Variants in CA12 observed in about 807,000 individuals in gnomAD.
The protein encoded by CA12 is carbonate dehydratase XII.
A neutral mutation model predicts 46.8 loss-of-function variants in CA12; 36 were observed. The ratio of observed to expected loss-of-function variants is 0.77; its 90% CI spans 0.59 to 1.02. CA12 has a LOEUF of 1.02. CA12 is among the 50% of genes least tolerant of loss of function. CA12 has a pLI of 0.00. For synonymous variants in CA12, 202 were observed against 187.0 expected, an observed-to-expected ratio of 1.08 and a Z score of -0.65; for missense variants, 436 against 451.4, an observed-to-expected ratio of 0.97 and a Z score of 0.31.
chr15:63,356,715 G>T (rs534531936), intron 2 of CA12, among the ~76,000 whole-genome samples: 1 of 152,106 alleles, frequency 6.6e-6, no homozygotes, highest in South Asian at 2.1e-4. Flanking sequence ...TAGAAATGGG[G>T]TTTCACCAGT....
At chr15:63,368,882 T>G (rs2039467796) in intron 2 of CA12, among the ~76,000 whole-genome samples, 1 of 152,234 alleles carries the variant, frequency 6.6e-6, no homozygotes, top group Admixed American at 6.5e-5. Flanking sequence ...AGTTTCTTCC[T>G]AGGCTCAGGC....
chr15:63,364,362 G>C (rs1224236049), intron 2 of CA12, among the ~76,000 whole-genome samples: 14 of 78,400 alleles, frequency 1.8e-4, no homozygotes, highest in Non-Finnish European at 2.4e-4. Context: ...AAAACAGTGG[G>C]ACTCTTAGGA....
At chr15:63,336,831 G>A (rs1033253229) in intron 8 of CA12, among the ~76,000 whole-genome samples, 4 of 152,056 alleles carry the variant, frequency 2.6e-5, no homozygotes, top group South Asian at 2.1e-4. Context: ...CCCTTCCCTG[G>A]GTGTGCATAG....
intron 2 of CA12, among the ~76,000 whole-genome samples, chr15:63,370,452 A>G (rs1225433773): frequency 6.7e-6 from 1 of 150,070 alleles, no homozygotes; most frequent in Non-Finnish European, 1.5e-5. Flanking sequence ...CAAAAAAAAA[A>G]AAAAAAGAAA....
Position 63,345,849 on chromosome 15 carries a change from C to T in CA12, c.287-230G>A, listed in dbSNP as rs2039140430. The stretch of plus-strand genomic sequence containing the variant: ...CAAAGCAACTCCAGTGGCACCAGCA[C>T]CTTCTTGGTTCACCTTGGAAAGTGA... On this transcript the variant is annotated intron_variant, in intron 3 of 10. Transcript: ENST00000178638. This position sits in a 1 kb window ranked among gnomAD's most constrained non-coding sequence, Gnocchi z 4.3. 6.6e-6 allele frequency among the ~76,000 whole-genome samples: 1 copy of T among 152,212 alleles called. No individual in the cohort carries two copies. The highest frequency in any genetic ancestry group is 2.4e-5 in the African/African-American group (1 of 41,446).
At chr15:63,380,692 C>T (rs2039633175) in intron 1 of CA12, among the ~76,000 whole-genome samples, 1 of 152,172 alleles carries the variant, frequency 6.6e-6, no homozygotes, top group Non-Finnish European at 1.5e-5. Context: ...CCTGCCCTTC[C>T]CCATGGGCAC....
chr15:63,379,281 T>C (rs2039614878), intron 1 of CA12, among the ~76,000 whole-genome samples: 1 of 151,940 alleles, frequency 6.6e-6, no homozygotes, highest in South Asian at 2.1e-4. Flanking sequence ...GCGTTGTAAG[T>C]GAGGATGGTG....
At chr15:63,377,492 A>C (rs1277836048) in intron 1 of CA12, among the ~76,000 whole-genome samples, 2 of 152,126 alleles carry the variant, frequency 1.3e-5, no homozygotes, top group Non-Finnish European at 2.9e-5. Context: ...TTTTTAAAAA[A>C]AAGCCGGTTT....
chr15:63,365,211 T>A (rs1201208636), intron 2 of CA12, among the ~76,000 whole-genome samples: 1 of 152,260 alleles, frequency 6.6e-6, no homozygotes, highest in African/African-American at 2.4e-5. Flanking sequence ...GTGTTTTCTT[T>A]AACTGCTAAG....
At chr15:63,336,025 C>G (rs2038999359) in intron 8 of CA12, among the ~76,000 whole-genome samples, 1 of 152,210 alleles carries the variant, frequency 6.6e-6, no homozygotes, top group African/African-American at 2.4e-5. Flanking sequence ...TATAATCAGC[C>G]TCCAGATGGA....
At chr15:63,361,562 C>G (rs765072854) in intron 2 of CA12, among the ~76,000 whole-genome samples, 2 of 152,122 alleles carry the variant, frequency 1.3e-5, no homozygotes, top group Admixed American at 1.3e-4. Flanking sequence ...AGTTATCCTG[C>G]CCAAAATATC....
rs2039140820 is a variant in CA12 at position 63,345,885 on chromosome 15, G to A, written c.287-266C>T. On this transcript the variant is annotated intron_variant, in intron 3 of 10. Coordinates refer to ENST00000178638, the MANE Select transcript of CA12 (RefSeq NM_001218.5). This position sits in a 1 kb window ranked among gnomAD's most constrained non-coding sequence, Gnocchi z 4.3. ...CACCTTGGAAAGTGATGCCAGAAACGCTAACACTAGACCAACGGATGGGTG... is the reference window on the plus strand; with the variant it reads ...CACCTTGGAAAGTGATGCCAGAAACACTAACACTAGACCAACGGATGGGTG... Among the ~76,000 whole-genome samples the A allele has an allele frequency of 6.6e-6, 1 of 152,348 alleles. No individual in the cohort carries two copies. Among genetic ancestry groups the A allele is most frequent in the South Asian group, 2.1e-4 (1 of 4,828 alleles).
At chr15:63,361,708 T>C (rs2039366125) in intron 2 of CA12, among the ~76,000 whole-genome samples, 1 of 152,010 alleles carries the variant, frequency 6.6e-6, no homozygotes, top group Non-Finnish European at 1.5e-5. Flanking sequence ...TGTCAGTCGT[T>C]CTCTGGGGCA....
At chr15:63,357,797 C>T (rs1323350236) in intron 2 of CA12, among the ~76,000 whole-genome samples, 1 of 152,092 alleles carries the variant, frequency 6.6e-6, no homozygotes, top group Non-Finnish European at 1.5e-5. Context: ...CCAAAGGAAA[C>T]CTCATACCTG....
At chr15:63,366,651 C>T (rs1270838446) in intron 2 of CA12, among the ~76,000 whole-genome samples, 1 of 152,158 alleles carries the variant, frequency 6.6e-6, no homozygotes, top group Non-Finnish European at 1.5e-5. Flanking sequence ...AAGTTGAAAA[C>T]TTTGGTTGGT....
rs888187519 is a variant in CA12 at position 63,341,757 on chromosome 15, A to C, written c.525+245T>G. The stretch of plus-strand genomic sequence containing the variant: ...TCCATGCCTTATGCAACAGGGCTAG[A>C]TGTTGGGGCCCGTTTTTCCAACGGA... On this transcript the variant is annotated intron_variant, in intron 5 of 10. Transcript: ENST00000178638. This position sits in a 1 kb window ranked among gnomAD's most constrained non-coding sequence, Gnocchi z 5.2. Among the ~76,000 whole-genome samples, 4 of 152,162 alleles carry C rather than the reference A, an allele frequency of 2.6e-5. No homozygotes were observed. The highest frequency in any genetic ancestry group is 9.6e-5 in the African/African-American group (4 of 41,454).
chr15:63,331,615 T>C lies in CA12; in HGVS notation c.875-3485A>G, dbSNP rs915213693. The C allele has an allele frequency of 2.0e-5, 3 of 152,148 alleles. No individual in the cohort carries two copies. The highest frequency in any genetic ancestry group is 7.2e-5 in the African/African-American group (3 of 41,418). The allele number at this position is 152,148 out of a possible 1,614,324, so 9.4% of individuals were successfully genotyped here. A position where few individuals can be genotyped will look rare whatever the true frequency, so the allele number is the denominator to read the frequency against. ...CGCCTGTTCACAAAGTGCTCGGGTA[T>C]GACTCAGGGCGAGCAGAGAGACGGC... On this transcript the variant is annotated intron_variant, in intron 8 of 10. Transcript: ENST00000178638. The surrounding 1 kb of genome is among the most constrained non-coding windows in gnomAD (Gnocchi z 5.3).
At chr15:63,337,001 C>T (rs1185821113) in intron 8 of CA12, among the ~76,000 whole-genome samples, 1 of 152,170 alleles carries the variant, frequency 6.6e-6, no homozygotes, top group Non-Finnish European at 1.5e-5. Flanking sequence ...CTACATTCTC[C>T]ACTTAGAAGA....
At chr15:63,358,991 G>A (rs2055336) in intron 2 of CA12, among the ~76,000 whole-genome samples, 134,316 of 151,878 alleles carry the variant, frequency 0.88, 60,096 homozygotes, top group Non-Finnish European at 0.95. Context: ...TTGTCCTCCC[G>A]TTTCCCTGCC....
Sources: gnomAD v4.1 joint callset for allele counts (sites outside exome capture counted in the v4.1 genomes callset) on GRCh38, gnomAD v4.1.1 for gene constraint, Gnocchi (gnomAD v3.1) non-coding constraint, MANE v1.5 for transcripts, NCBI Gene and HGNC (gene_info 2026-07-23, HGNC 2026-07-21) for gene names.